Variants in UBR4 observed in about 807,000 individuals in gnomAD.
UBR4 encodes the protein ubiquitin protein ligase E3 component n-recognin 4, also known as E3 ubiquitin-protein ligase UBR4.
A neutral mutation model predicts 575.6 loss-of-function variants in UBR4; 124 were observed. The ratio of observed to expected loss-of-function variants is 0.22; its 90% CI spans 0.19 to 0.25. The LOEUF (loss-of-function observed/expected upper bound fraction) is 0.25, where lower values mean the gene tolerates loss of function less well. Among genes scored for constraint, UBR4 ranks in the 10% least tolerant of loss-of-function variants. UBR4 has a pLI of 1.00. For synonymous variants in UBR4, 2,455 were observed against 2,473.7 expected (o/e 0.99, Z 0.22); for missense variants, 4,818 against 6,478.8 (o/e 0.74, Z 8.80).
At chr1:19,104,531 T>A (rs2078983492) in intron 86 of UBR4, 54 bp downstream of exon 86, 1 of 1,586,506 alleles carries the variant, frequency 6.3e-7, no homozygotes, top group Non-Finnish European at 8.6e-7. Flanking sequence ...GAACTAAGGG[T>A]TGTCCCTAAA....
At chr1:19,149,699 A>G (rs1011677913) in intron 49 of UBR4, 2 of 1,256,846 alleles carry the variant, frequency 1.6e-6, no homozygotes, top group African/African-American at 3.2e-5. Flanking sequence ...AAGCCACACC[A>G]TTGGTTACAC....
rs993176999 is a variant in UBR4 at position 19,153,151 on chromosome 1, A to G, written c.6832+150T>C. 9.1e-6 allele frequency: 9 copies of G among 990,210 alleles called. No individual in the cohort carries two copies. The highest frequency in any genetic ancestry group is 5.1e-5 in the Admixed American group (2 of 39,180). 61.3% of individuals were successfully genotyped at this position (990,210 alleles called of 1,614,324 possible). A position where few individuals can be genotyped will look rare whatever the true frequency, so the allele number is the denominator to read the frequency against. ...CAATGGGTGCTTGACATTTGGAAAC[A>G]TAACTCTGCTTTTGGGAAATTAACT... On this transcript the variant is annotated intron_variant, in intron 46 of 105. Coordinates refer to ENST00000375254, the MANE Select transcript of UBR4 (RefSeq NM_020765.3). This position sits in a 1 kb window ranked among gnomAD's most constrained non-coding sequence, Gnocchi z 4.1.
At chr1:19,166,901 A>AG in intron 29 of UBR4, 121 bp downstream of exon 29, 1 of 955,788 alleles carries the variant, frequency 1.0e-6, no homozygotes, top group South Asian at 1.7e-5. Flanking sequence ...GTCTCAGAAT[A>AG]AAAAAAAAAC....
chr1:19,076,975 G>A (rs1431196403), intron 104 of UBR4, 73 bp from the exon 105 acceptor site: 1 of 1,491,220 alleles, frequency 6.7e-7, no homozygotes, highest in East Asian at 2.3e-5. Flanking sequence ...AAGTCAGTCA[G>A]GCCATTTCAA....
chr1:19,105,671 G>A (rs1038753084), intron 84 of UBR4, 62 bp downstream of exon 84: 2 of 1,262,384 alleles, frequency 1.6e-6, no homozygotes, highest in Admixed American at 5.7e-5. Context: ...GATTCCCCGG[G>A]GAAGATGAAA....
At chr1:19,164,569 T>G in intron 32 of UBR4, 128 bp from the exon 33 acceptor site, 1 of 1,179,484 alleles carries the variant, frequency 8.5e-7, no homozygotes. Flanking sequence ...GGACTTGGGC[T>G]AGTAGAGCAT....
chr1:19,105,120 G>A lies in UBR4; in HGVS notation c.12573C>T (p.Ile4191=), dbSNP rs1314689834. The A allele has an allele frequency of 6.2e-7, 1 of 1,614,116 alleles. No individual in the cohort carries two copies. The highest frequency in any genetic ancestry group is 2.2e-5 in the East Asian group (1 of 44,872). ...AGTAGACTTTCCAGTGCGCAGAAGT[G>A]ATGAGCTTCTGGTAGAGAGCCAGGT... ...AEYLALYQKL[I]TSAHWKVYLA... Residue 4191 remains isoleucine (I), a synonymous_variant, in exon 85 of 106, where the codon ATC becomes ATT. Transcript: ENST00000375254.
chr1:19,137,936 G>T, intron 60 of UBR4, 71 bp downstream of exon 60: 1 of 1,338,780 alleles, frequency 7.5e-7, no homozygotes, highest in South Asian at 2.4e-5. Context: ...TCCTGCAATT[G>T]ATCAGTCCTA....
rs1400161470 is a variant in UBR4, at chr1:19,074,867, T to C, written c.15517A>G (p.Ser5173Gly). Residue 5173 changes from serine to glycine, a missense_variant, in exon 106 of 106, where the codon AGC becomes GGC. By Grantham distance (56) the Ser-to-Gly change is moderately conservative. This residue lies in a region of UBR4 where 212 missense variants were observed against 221.3 expected (regional missense o/e 0.96). Transcript: ENST00000375254. ...GAGTTCAACAGGTCCTTCAGGAAGC[T>C]CTCTGGATCGGTGATTTCTGATAAA... ...GLLSEITDPE[S>G]FLKDLLNSVP 1 of 1,613,910 alleles carries C rather than the reference T, an allele frequency of 6.2e-7. No homozygotes were observed. Among genetic ancestry groups the C allele is most frequent in the Non-Finnish European group, 8.5e-7 (1 of 1,179,948 alleles).
At chr1:19,155,382 A>G in intron 43 of UBR4, 59 bp downstream of exon 43, 1 of 1,476,588 alleles carries the variant, frequency 6.8e-7, no homozygotes, top group South Asian at 1.2e-5. Flanking sequence ...AAAAAAGAAT[A>G]GAGGAGTTGC....
At chr1:19,170,621 G>T in intron 26 of UBR4, 141 bp downstream of exon 26, 1 of 1,164,138 alleles carries the variant, frequency 8.6e-7, no homozygotes, top group Non-Finnish European at 1.2e-6. Context: ...GATCAAAATA[G>T]ACAAACCTAC....
chr1:19,158,054 G>T, intron 39 of UBR4, 57 bp from the exon 40 acceptor site: 3 of 1,560,210 alleles, frequency 1.9e-6, no homozygotes, highest in Non-Finnish European at 1.8e-6. Context: ...AAATCAAGTG[G>T]ATTCACGCAC....
At chr1:19,133,810 G>A (rs1477585423) in intron 60 of UBR4, among the ~76,000 whole-genome samples, 1 of 151,928 alleles carries the variant, frequency 6.6e-6, no homozygotes, top group Non-Finnish European at 1.5e-5. Context: ...TGGGTACGGT[G>A]GCTCACACCT....
chr1:19,199,146 G>A (rs931710348), intron 3 of UBR4, among the ~76,000 whole-genome samples: 1 of 152,184 alleles, frequency 6.6e-6, no homozygotes, highest in Non-Finnish European at 1.5e-5. Context: ...GGAATGAAAA[G>A]ATTCACATGC....
intron 9 of UBR4, among the ~76,000 whole-genome samples, 160 bp from the exon 10 acceptor site, chr1:19,192,700 CTCTTT>C (rs2092184057): frequency 6.6e-6 from 1 of 152,178 alleles, no homozygotes; most frequent in African/African-American, 2.4e-5. Flanking sequence ...AGCTGACTCC[CTCTTT>C]TCATTTGGAT....
chr1:19,085,059 G>T (rs1217860344), intron 101 of UBR4, among the ~76,000 whole-genome samples: 1 of 152,242 alleles, frequency 6.6e-6, no homozygotes, highest in Non-Finnish European at 1.5e-5. Context: ...AAAGTGACCT[G>T]TCCATAAGAA....
chr1:19,124,738 T>C, intron 64 of UBR4, 48 bp from the exon 65 acceptor site: 1 of 1,592,932 alleles, frequency 6.3e-7, no homozygotes, highest in Non-Finnish European at 8.5e-7. Flanking sequence ...CGATTTTCCA[T>C]GACCACAATT....
Position 19,112,674 on chromosome 1 carries a change from A to T in UBR4, c.11651T>A (p.Ile3884Asn). ...GGTGGCCAGGGCCCGAAGTAGTGTG[A>T]TACAATGTTCTGTGACAGCCGAGGC... ...GCASAVTEHCITLLRALATNP... is the reference protein window; with the variant it reads ...GCASAVTEHCNTLLRALATNP... Residue 3884 changes from isoleucine (I) to asparagine (N), a missense_variant, in exon 78 of 106, where the codon ATC becomes AAC. Around this residue, in one of 29 missense-constraint regions of UBR4, gnomAD observed 333 missense variants for 459.2 expected, o/e 0.73. Transcript: ENST00000375254. The T allele has an allele frequency of 6.2e-7, 1 of 1,614,258 alleles. No individual in the cohort carries two copies. Among genetic ancestry groups the T allele is most frequent in the Non-Finnish European group, 8.5e-7 (1 of 1,180,046 alleles).
chr1:19,124,729 G>C, intron 64 of UBR4, 39 bp from the exon 65 acceptor site: 2 of 1,596,230 alleles, frequency 1.3e-6, no homozygotes, highest in Non-Finnish European at 1.7e-6. Flanking sequence ...TGTGACTATC[G>C]ATTTTCCATG....
Sources: gnomAD v4.1 joint callset for allele counts (sites outside exome capture counted in the v4.1 genomes callset) on GRCh38, gnomAD v4.1.1 for gene constraint, gnomAD v4.1.1 regional missense constraint, Gnocchi (gnomAD v3.1) non-coding constraint, MANE v1.5 for transcripts, NCBI Gene and HGNC (gene_info 2026-07-23, HGNC 2026-07-21) for gene names.